ANO2: variants seen among roughly 807,000 people sequenced by gnomAD.
ANO2 encodes the protein anoctamin-2.
ANO2 carries 101 observed loss-of-function variants against 124.2 expected under a neutral mutation model. That is an observed-to-expected ratio of 0.81 (90% CI 0.69 to 0.96). ANO2 has a LOEUF of 0.96. ANO2 is among the 40% of genes least tolerant of loss of function. The pLI is 0.00. For synonymous variants in ANO2, 486 were observed against 482.5 expected (o/e 1.01, Z -0.09); for missense variants, 1,293 against 1,274.5 (o/e 1.01, Z -0.22).
At chr12:5,920,606 C>T (rs1941643927) in intron 3 of ANO2, among the ~76,000 whole-genome samples, 2 of 152,172 alleles carry the variant, frequency 1.3e-5, no homozygotes, top group Admixed American at 6.5e-5. Flanking sequence ...TGGCTCACAC[C>T]TGTAATCCCA....
At chr12:5,836,449 A>G (rs1397167391) in intron 4 of ANO2, among the ~76,000 whole-genome samples, 2 of 152,128 alleles carry the variant, frequency 1.3e-5, no homozygotes, top group East Asian at 3.8e-4. Flanking sequence ...CCTGTGTTCT[A>G]TCTGACATTT....
At chr12:5,570,345 T>C (rs1322205798) in intron 23 of ANO2, among the ~76,000 whole-genome samples, 1 of 152,018 alleles carries the variant, frequency 6.6e-6, no homozygotes, top group African/African-American at 2.4e-5. Flanking sequence ...GAAGGATGCC[T>C]GGGGTTGGGC....
chr12:5,577,535 T>G (rs1190577690), intron 22 of ANO2, among the ~76,000 whole-genome samples: 5 of 152,160 alleles, frequency 3.3e-5, no homozygotes, highest in Non-Finnish European at 7.3e-5. Flanking sequence ...TAATTAAGAT[T>G]TTGCACTGAC....
At chr12:5,734,822 G>A (rs1171740091) in intron 13 of ANO2, among the ~76,000 whole-genome samples, 1 of 151,932 alleles carries the variant, frequency 6.6e-6, no homozygotes, top group Non-Finnish European at 1.5e-5. Context: ...TGATTTTTTT[G>A]TACTTTTAGT....
chr12:5,930,346 A>C (rs142919693), intron 1 of ANO2, among the ~76,000 whole-genome samples: 4,015 of 152,144 alleles, frequency 0.026, 180 homozygotes, highest in African/African-American at 0.092. Context: ...CCTCCCAAAG[A>C]ATGGTCATTT....
intron 3 of ANO2, among the ~76,000 whole-genome samples, chr12:5,860,518 C>T (rs751374606): frequency 2.0e-5 from 3 of 152,170 alleles, no homozygotes; most frequent in Middle Eastern, 3.2e-3. Context: ...TAGTGGATTC[C>T]ATTTGGATCC....
chr12:5,712,964 G>T (rs965745775), intron 14 of ANO2, among the ~76,000 whole-genome samples: 2 of 152,186 alleles, frequency 1.3e-5, no homozygotes, highest in African/African-American at 2.4e-5. Context: ...CAAGAAATTT[G>T]AAAATAATCT....
At chr12:5,876,952 T>G (rs1591728362) in intron 3 of ANO2, among the ~76,000 whole-genome samples, 1 of 152,354 alleles carries the variant, frequency 6.6e-6, no homozygotes, top group East Asian at 1.9e-4. Context: ...ATTCTGCACA[T>G]GTATCCCAGA....
intron 16 of ANO2, among the ~76,000 whole-genome samples, chr12:5,626,508 A>C (rs563663114): frequency 3.2e-4 from 48 of 152,280 alleles, no homozygotes; most frequent in Non-Finnish European, 5.1e-4. Flanking sequence ...GCTAGTGTCC[A>C]GCAGCAATGT....
Position 5,862,159 on chromosome 12 carries a change from C to G in ANO2, c.535-8018G>C, listed in dbSNP as rs149129995. Among the ~76,000 whole-genome samples the G allele has an allele frequency of 6.6e-6, 1 of 152,278 alleles. No homozygotes were observed. Among genetic ancestry groups the G allele is most frequent in the African/African-American group, 2.4e-5 (1 of 41,560 alleles). On this transcript the variant is annotated intron_variant, in intron 3 of 24. Transcript: ENST00000682330. The surrounding 1 kb of genome is among the most constrained non-coding windows in gnomAD (Gnocchi z 4.0). ...TGCCTAGGGAAGGAAAGGTGGAAAT[C>G]TGCTCTGCTGGGAGCTCCTGGATGA... is the stretch of plus-strand genomic sequence containing the variant.
At chr12:5,820,038 T>G (rs138318191) in intron 7 of ANO2, among the ~76,000 whole-genome samples, 1 of 152,268 alleles carries the variant, frequency 6.6e-6, no homozygotes, top group Non-Finnish European at 1.5e-5. Flanking sequence ...AGCAGAAAAC[T>G]TCTAGGTCAA....
intron 4 of ANO2, among the ~76,000 whole-genome samples, chr12:5,843,239 T>C (rs1954578348): frequency 6.6e-6 from 1 of 152,218 alleles, no homozygotes; most frequent in South Asian, 2.1e-4. Context: ...ACCGAGGATC[T>C]GCAAGTTCTC....
At chr12:5,894,589 G>C (rs561109699) in intron 3 of ANO2, among the ~76,000 whole-genome samples, 4 of 152,154 alleles carry the variant, frequency 2.6e-5, no homozygotes, top group African/African-American at 9.7e-5. Context: ...GAATGGTATT[G>C]CCTAGGTTTT....
intron 20 of ANO2, among the ~76,000 whole-genome samples, chr12:5,596,283 T>TA: frequency 6.6e-6 from 1 of 152,330 alleles, no homozygotes; most frequent in East Asian, 1.9e-4. Context: ...AAGGGATTAT[T>TA]ACGCAGCTAT....
chr12:5,806,192 T>C, intron 8 of ANO2, 99 bp from the exon 9 acceptor site: 1 of 1,198,362 alleles, frequency 8.3e-7, no homozygotes, highest in Non-Finnish European at 1.2e-6. Flanking sequence ...ATATCATTGC[T>C]TTTTTTTCAT....
chr12:5,864,919 G>A (rs1002689196), intron 3 of ANO2, among the ~76,000 whole-genome samples: 4 of 152,096 alleles, frequency 2.6e-5, no homozygotes, highest in African/African-American at 9.7e-5. Context: ...CCCACTCAGA[G>A]AGAAGCATTC....
At chr12:5,712,449 G>A (rs749364507) in intron 14 of ANO2, among the ~76,000 whole-genome samples, 19 of 152,194 alleles carry the variant, frequency 1.2e-4, no homozygotes, top group East Asian at 5.8e-4. Context: ...TGGAAGCAGC[G>A]ATTGGAGTGG....
intron 3 of ANO2, among the ~76,000 whole-genome samples, chr12:5,918,934 T>C (rs1941536729): frequency 6.6e-6 from 1 of 152,188 alleles, no homozygotes; most frequent in African/African-American, 2.4e-5. Context: ...ACTTTGCAGA[T>C]AAGGGACCTG....
intron 3 of ANO2, among the ~76,000 whole-genome samples, chr12:5,876,513 A>G (rs149381747): frequency 5.2e-4 from 79 of 152,332 alleles, no homozygotes; most frequent in South Asian, 3.5e-3. Context: ...CCATTCTACT[A>G]TAAAGACACA....
Sources: gnomAD v4.1 joint callset for allele counts (sites outside exome capture counted in the v4.1 genomes callset) on GRCh38, gnomAD v4.1.1 for gene constraint, Gnocchi (gnomAD v3.1) non-coding constraint, MANE v1.5 for transcripts, NCBI Gene and HGNC (gene_info 2026-07-23, HGNC 2026-07-21) for gene names.